The following PLPPR1 variants were observed in gnomAD, a reference collection of about 807,000 sequenced individuals.
PLPPR1 encodes phospholipid phosphatase-related protein type 1.
Under a neutral mutation model 33.1 loss-of-function variants are expected in PLPPR1, and 10 were observed. The ratio of observed to expected loss-of-function variants is 0.30; its 90% CI spans 0.19 to 0.51. The LOEUF (loss-of-function observed/expected upper bound fraction) is 0.51. Among genes scored for constraint, PLPPR1 ranks in the 20% least tolerant of loss-of-function variants. The probability of loss-of-function intolerance (pLI) is 0.97; values close to 1 mark genes in which losing one functional copy is unlikely to be tolerated. For missense variants in PLPPR1, 304 were observed against 408.1 expected (o/e 0.74, Z 2.20); for synonymous variants, 151 against 151.0 (o/e 1.00, Z 0.00).
In PLPPR1 at chr9:101,083,636, A is replaced by G. The variant is rs181504100; in HGVS notation, c.-46+54534A>G. Among the ~76,000 whole-genome samples the G allele has an allele frequency of 1.2e-4, 18 of 152,278 alleles. No individual in the cohort carries two copies. In the East Asian group the frequency reaches 3.1e-3, roughly 26 times the overall value. ...TGACATTGAAAATTACATCTACACC[A>G]TAAAGCAGTGTCCCCGTAAGAGGAG... On this transcript the variant is annotated intron_variant, in intron 1 of 7. Transcript: ENST00000374874.
chr9:101,233,734 GT>G (rs1369904318), intron 2 of PLPPR1, among the ~76,000 whole-genome samples: 2 of 151,880 alleles, frequency 1.3e-5, no homozygotes, highest in African/African-American at 4.8e-5. Context: ...CTCCAGGACT[GT>G]CCATTATAAG....
At position 101,263,676 on chromosome 9, in the gene PLPPR1, G is replaced by C. The variant is rs183617103; in HGVS notation, c.64-6204G>C. On this transcript the variant is annotated intron_variant, in intron 2 of 7. Coordinates refer to ENST00000374874, the MANE Select transcript of PLPPR1 (RefSeq NM_207299.2). ...CCCCTAGGCCACACAAATTTGAGTG[G>C]AGAGAGATATTTATAGTAATCATCC... Among the ~76,000 whole-genome samples, 88 of 152,246 alleles carry C rather than the reference G, an allele frequency of 5.8e-4. 1 individual carries two copies. In the Middle Eastern group the frequency reaches 0.014, roughly 24 times the overall value.
intron 1 of PLPPR1, among the ~76,000 whole-genome samples, chr9:101,171,969 T>C (rs1229808338): frequency 9.4e-6 from 1 of 105,864 alleles, no homozygotes; most frequent in African/African-American, 3.2e-5. Context: ...AATGTAACTC[T>C]CACGTCTCAT....
intron 4 of PLPPR1, among the ~76,000 whole-genome samples, chr9:101,292,175 G>T (rs924743438): frequency 2.0e-5 from 3 of 152,112 alleles, no homozygotes; most frequent in Non-Finnish European, 4.4e-5. Context: ...GCAATCAACT[G>T]GAAGAAAGGG....
chr9:101,052,500 A>C (rs533071584), intron 1 of PLPPR1, among the ~76,000 whole-genome samples: 2 of 152,338 alleles, frequency 1.3e-5, no homozygotes, highest in South Asian at 4.1e-4. Flanking sequence ...GAGAAGCCAC[A>C]ATCAAGGGCA....
At chr9:101,202,909 C>T (rs765491332) in intron 2 of PLPPR1, among the ~76,000 whole-genome samples, 7 of 152,268 alleles carry the variant, frequency 4.6e-5, no homozygotes, top group African/African-American at 9.6e-5. Flanking sequence ...GGCACAGATT[C>T]GCTCTTGTAA....
chr9:101,167,141 G>GTGTGTGTGTGTGTGTGT (rs1825869572), intron 1 of PLPPR1, among the ~76,000 whole-genome samples: 2 of 39,744 alleles, frequency 5.0e-5, no homozygotes, highest in Non-Finnish European at 1.1e-4. Flanking sequence ...TATGTCTCTC[G>GTGTGTGTGTGTGTGTGT]GTGTGTGTGT....
At chr9:101,112,058 C>T (rs1020535378) in intron 1 of PLPPR1, among the ~76,000 whole-genome samples, 1 of 152,190 alleles carries the variant, frequency 6.6e-6, no homozygotes, top group Admixed American at 6.5e-5. Flanking sequence ...CCCATATACA[C>T]ACTTTATCAG....
rs186072744 is a variant in PLPPR1, at chr9:101,038,828, C to A, written c.-46+9726C>A. Among the ~76,000 whole-genome samples the A allele has an allele frequency of 2.2e-4, 34 of 151,710 alleles. 1 individual carries two copies. The East Asian group carries it at 6.2e-3, about 28-fold the overall frequency. ...CTCCCGCCCATCCCTGCCCATATAA[C>A]CCCTCACTGCACTCTATCTTCTCCT... On this transcript the variant is annotated intron_variant, in intron 1 of 7. Transcript: ENST00000374874.
chr9:101,084,407 A>T (rs1830653555), intron 1 of PLPPR1, among the ~76,000 whole-genome samples: 1 of 152,180 alleles, frequency 6.6e-6, no homozygotes, highest in African/African-American at 2.4e-5. Flanking sequence ...TGATGGTGAC[A>T]GTGATGATGA....
At chr9:101,077,401 G>A (rs10989383) in intron 1 of PLPPR1, among the ~76,000 whole-genome samples, 5,920 of 152,094 alleles carry the variant, frequency 0.039, 177 homozygotes, top group East Asian at 0.082. Context: ...TGCTGCCTTT[G>A]TTTTCTTTGT....
chr9:101,086,052 A>G (rs1386817210), intron 1 of PLPPR1, among the ~76,000 whole-genome samples: 1 of 152,182 alleles, frequency 6.6e-6, no homozygotes, highest in Non-Finnish European at 1.5e-5. Context: ...GAGTGTTTTT[A>G]TCATGAAAGA....
chr9:101,099,959 G>A (rs1363559350), intron 1 of PLPPR1, among the ~76,000 whole-genome samples: 1 of 152,024 alleles, frequency 6.6e-6, no homozygotes, highest in African/African-American at 2.4e-5. Flanking sequence ...AGTCACTGAT[G>A]ATTATTTTTT....
intron 2 of PLPPR1, among the ~76,000 whole-genome samples, chr9:101,215,512 C>T (rs527576406): frequency 3.3e-5 from 5 of 152,260 alleles, no homozygotes; most frequent in Admixed American, 2.6e-4. Context: ...AACTCCTGAC[C>T]TCGTGATCCC....
At chr9:101,173,715 A>G (rs551744936) in intron 1 of PLPPR1, among the ~76,000 whole-genome samples, 2 of 152,306 alleles carry the variant, frequency 1.3e-5, no homozygotes, top group Admixed American at 1.3e-4. Context: ...CTCCTAAATT[A>G]GTAGTTCTCC....
intron 1 of PLPPR1, among the ~76,000 whole-genome samples, chr9:101,089,520 C>T (rs1269888845): frequency 2.0e-5 from 3 of 152,080 alleles, no homozygotes; most frequent in Non-Finnish European, 2.9e-5. Context: ...TAGATATACA[C>T]GTGAAGTACA....
chr9:101,070,430 T>A (rs1225746364), intron 1 of PLPPR1, among the ~76,000 whole-genome samples: 1 of 151,812 alleles, frequency 6.6e-6, no homozygotes, highest in Non-Finnish European at 1.5e-5. Flanking sequence ...GAGAATAACA[T>A]CGCAAAAAAA....
At chr9:101,305,713 A>C (rs1219130657) in intron 4 of PLPPR1, among the ~76,000 whole-genome samples, 1 of 151,818 alleles carries the variant, frequency 6.6e-6, no homozygotes, top group African/African-American at 2.4e-5. Flanking sequence ...TCAGTAGACC[A>C]ATTACTGGTG....
chr9:101,060,283 A>G lies in PLPPR1; in HGVS notation c.-46+31181A>G, dbSNP rs571186474. On this transcript the variant is annotated intron_variant, in intron 1 of 7. Transcript: ENST00000374874. ...AGTGTCAAATAGTTGAATTCAGAAAAACAGAGTAAAATGGTGTTTACCAGA... is the reference window on the plus strand; with the variant it reads ...AGTGTCAAATAGTTGAATTCAGAAAGACAGAGTAAAATGGTGTTTACCAGA... 3.3e-5 allele frequency among the ~76,000 whole-genome samples: 5 copies of G among 152,104 alleles called. No homozygotes were observed. In the East Asian group the frequency reaches 5.8e-4, roughly 18 times the overall value.
Sources: allele counts gnomAD v4.1 joint callset (sites outside exome capture counted in the v4.1 genomes callset), GRCh38; gene constraint gnomAD v4.1.1; transcripts MANE v1.5; gene names NCBI Gene and HGNC (gene_info 2026-07-23, HGNC 2026-07-21).